Variants in SNX8 observed in about 807,000 individuals in gnomAD.
SNX8 encodes the protein sorting nexin 8.
Under a neutral mutation model 51.6 loss-of-function variants are expected in SNX8, and 25 were observed. The observed-to-expected ratio is 0.48, with a 90% CI of 0.35 to 0.68. The LOEUF (loss-of-function observed/expected upper bound fraction) is 0.68, where lower values mean the gene tolerates loss of function less well. SNX8 is among the 30% of genes least tolerant of loss of function. SNX8 has a pLI of 0.00. For missense variants in SNX8, 695 were observed against 624.0 expected (o/e 1.11, Z -1.21); for synonymous variants, 324 against 277.0 (o/e 1.17, Z -1.68).
At chr7:2,294,291 AG>A (rs970326914) in intron 1 of SNX8, among the ~76,000 whole-genome samples, 5 of 151,968 alleles carry the variant, frequency 3.3e-5, no homozygotes, top group African/African-American at 1.2e-4. Context: ...AAGAAAAAAA[AG>A]AAAAAAAAAA....
chr7:2,257,660 GGAGTTAGACCCTT>G, intron 8 of SNX8, 62 bp downstream of exon 8: 1 of 1,574,716 alleles, frequency 6.4e-7, no homozygotes, highest in South Asian at 1.1e-5. Flanking sequence ...CCGTCCCCCA[GGAGTTAGACCCTT>G]GAAGGATCCT....
At chr7:2,321,232 A>T (rs969868376) in intron 1 of SNX8, among the ~76,000 whole-genome samples, 2 of 151,756 alleles carry the variant, frequency 1.3e-5, no homozygotes, top group African/African-American at 4.8e-5. Flanking sequence ...CGGTGGGGGG[A>T]ATAATCAGCT....
intron 1 of SNX8, among the ~76,000 whole-genome samples, chr7:2,290,155 G>C (rs530313916): frequency 6.6e-6 from 1 of 152,038 alleles, no homozygotes; most frequent in South Asian, 2.1e-4. Context: ...ATTACACCAC[G>C]GCCCTCCAGC....
chr7:2,277,714 G>A (rs187555418), intron 2 of SNX8, among the ~76,000 whole-genome samples: 2 of 152,198 alleles, frequency 1.3e-5, no homozygotes, highest in Admixed American at 1.3e-4. Flanking sequence ...GGCTGAGGCA[G>A]GAGAATCGCT....
intron 9 of SNX8, 59 bp from the exon 10 acceptor site, chr7:2,257,082 C>G: frequency 6.6e-7 from 1 of 1,524,630 alleles, no homozygotes; most frequent in Non-Finnish European, 8.8e-7. Context: ...AGCACCAAGG[C>G]CCGAACACCA....
chr7:2,333,391 T>C (rs1321335235), intron 1 of SNX8, among the ~76,000 whole-genome samples: 2 of 151,918 alleles, frequency 1.3e-5, no homozygotes, highest in African/African-American at 2.4e-5. Context: ...GAAATCCCAT[T>C]TCTACTAAAA....
chr7:2,272,384 T>C (rs1213359205), intron 3 of SNX8, among the ~76,000 whole-genome samples: 2 of 152,024 alleles, frequency 1.3e-5, no homozygotes, highest in Admixed American at 1.3e-4. Context: ...TTTCTTTTTT[T>C]TTTTTTTGAG....
At chr7:2,328,168 C>A (rs1209870961) in intron 1 of SNX8, among the ~76,000 whole-genome samples, 1 of 152,040 alleles carries the variant, frequency 6.6e-6, no homozygotes, top group Non-Finnish European at 1.5e-5. Context: ...TCTCCTGCCT[C>A]AGCCTCCCAA....
At chr7:2,326,623 G>A (rs543595836) in intron 1 of SNX8, among the ~76,000 whole-genome samples, 16 of 151,988 alleles carry the variant, frequency 1.1e-4, no homozygotes, top group Admixed American at 3.3e-4. Flanking sequence ...CCGAGATCAC[G>A]CCACTGCACT....
In SNX8 at chr7:2,252,150, TCC is replaced by T. The variant is rs781442180; in HGVS notation, c.*2904_*2905del. On this transcript the variant is annotated 3_prime_UTR_variant, in exon 11 of 11. Transcript: ENST00000222990. ...CAGCCCCGCCAGCCCACAACCCCCCTCCCACGGCCCCGCCAGCCGTCCTCACA... is the reference window on the plus strand; with the variant it reads ...CAGCCCCGCCAGCCCACAACCCCCCTCACGGCCCCGCCAGCCGTCCTCACA... 1.1e-4 allele frequency: 7 copies of T among 65,866 alleles called. No individual in the cohort carries two copies. Among genetic ancestry groups the T allele is most frequent in the African/African-American group, 4.5e-4 (7 of 15,546 alleles). 4.1% of individuals were successfully genotyped at this position (65,866 alleles called of 1,614,324 possible).
At chr7:2,315,675 A>G (rs532709432), upstream of SNX8, among the ~76,000 whole-genome samples, 7 of 123,174 alleles carry the variant, frequency 5.7e-5, no homozygotes, top group Non-Finnish European at 1.2e-4. Flanking sequence ...TTCATTCACC[A>G]ACCCACTCAC....
At position 2,307,634 on chromosome 7, in the gene SNX8, CAAAAAAAAAAAAA is replaced by C. The variant is rs59065917; in HGVS notation, c.94+6681_94+6693del. 1.1e-4 allele frequency: 8 copies of C among 70,292 alleles called. No homozygotes were observed. The East Asian group carries it at 2.3e-3, about 21-fold the overall frequency. 4.4% of individuals were successfully genotyped at this position (70,292 alleles called of 1,614,324 possible). A position where few individuals can be genotyped will look rare whatever the true frequency, so the allele number is the denominator to read the frequency against. On this transcript the variant is annotated intron_variant, in intron 1 of 10. Transcript: ENST00000222990. Reference sequence around the variant, plus strand: ...GCAACAAGAGCAAAAACTTTGTCTCCAAAAAAAAAAAAAAAAAAAAAAAAGGTGACAGTGACAA... The same window carrying C: ...GCAACAAGAGCAAAAACTTTGTCTCCAAAAAAAAAAAGGTGACAGTGACAA...
chr7:2,257,170 G>A (rs1795206940), intron 9 of SNX8, 147 bp from the exon 10 acceptor site: 1 of 1,188,840 alleles, frequency 8.4e-7, no homozygotes, highest in Non-Finnish European at 1.1e-6. Context: ...GTAAGAGAGG[G>A]CCGGGGAGGG....
At chr7:2,264,262 C>A in intron 6 of SNX8, 36 bp downstream of exon 6, 3 of 1,583,850 alleles carry the variant, frequency 1.9e-6, no homozygotes, top group Non-Finnish European at 2.6e-6. Context: ...CCCGTCCCAC[C>A]GCGCGTGCCC....
intron 7 of SNX8, among the ~76,000 whole-genome samples, chr7:2,260,010 G>C (rs923035098): frequency 6.6e-6 from 1 of 152,030 alleles, no homozygotes; most frequent in Non-Finnish European, 1.5e-5. Context: ...AAAAAAGAAA[G>C]AGAGAGAGAA....
chr7:2,256,789 C>G, intron 10 of SNX8, 85 bp downstream of exon 10: 1 of 1,434,834 alleles, frequency 7.0e-7, no homozygotes, highest in Non-Finnish European at 9.4e-7. Context: ...GGGCGGCCGG[C>G]CACCGCGCTG....
rs777746467 is a variant in SNX8 at position 2,271,805 on chromosome 7, G to A, written c.540+45C>T. On this transcript the variant is annotated intron_variant, in intron 4 of 10. Transcript: ENST00000222990. Reference sequence around the variant, plus strand: ...GAGGAAAAGGCGGGTCCGGAGGCTCGGGGACTCCCCGGGGCCGGGACATGG... The same window carrying A: ...GAGGAAAAGGCGGGTCCGGAGGCTCAGGGACTCCCCGGGGCCGGGACATGG... The A allele has an allele frequency of 2.9e-5, 46 of 1,561,844 alleles. No individual in the cohort carries two copies. In the Admixed American group the frequency reaches 3.5e-4, roughly 12 times the overall value.
chr7:2,291,878 T>C (rs1241130708), intron 1 of SNX8, among the ~76,000 whole-genome samples: 2 of 152,250 alleles, frequency 1.3e-5, no homozygotes, highest in Non-Finnish European at 2.9e-5. Flanking sequence ...TAGAGAGCTG[T>C]GGCTTCCCAC....
intron 7 of SNX8, among the ~76,000 whole-genome samples, chr7:2,259,388 C>G (rs1039904576): frequency 6.6e-6 from 1 of 152,248 alleles, no homozygotes; most frequent in African/African-American, 2.4e-5. Context: ...GCTCCCTCCA[C>G]GATTCCTCGG....
Sources: allele counts gnomAD v4.1 joint callset (sites outside exome capture counted in the v4.1 genomes callset), GRCh38; gene constraint gnomAD v4.1.1; transcripts MANE v1.5; gene names NCBI Gene and HGNC (gene_info 2026-07-23, HGNC 2026-07-21).